Variants in OXR1 observed in about 807,000 individuals in gnomAD.
The protein encoded by OXR1 is oxidation resistance protein 1.
Under a neutral mutation model 104.6 loss-of-function variants are expected in OXR1, and 41 were observed. That is an observed-to-expected ratio of 0.39 (90% CI 0.31 to 0.51). OXR1 has a LOEUF of 0.51. OXR1 is among the 20% of genes least tolerant of loss of function. The probability of loss-of-function intolerance (pLI) is 0.77; values close to 1 mark genes in which losing one functional copy is unlikely to be tolerated. For missense variants in OXR1, 955 were observed against 1,031.9 expected (o/e 0.93, Z 1.02); for synonymous variants, 348 against 348.4 (o/e 1.00, Z 0.01).
intron 3 of OXR1, among the ~76,000 whole-genome samples, chr8:106,663,691 A>C (rs1334817852): frequency 6.6e-6 from 1 of 152,196 alleles, no homozygotes; most frequent in African/African-American, 2.4e-5. Flanking sequence ...GCCTCCTGTT[A>C]GATCAGTGGG....
chr8:106,374,069 A>G (rs974148644), intron 2 of OXR1, among the ~76,000 whole-genome samples: 1 of 152,196 alleles, frequency 6.6e-6, no homozygotes, highest in Non-Finnish European at 1.5e-5. Context: ...GATTCAGTGT[A>G]TTGAAACAGC....
chr8:106,530,519 T>C (rs1225507851), intron 3 of OXR1, among the ~76,000 whole-genome samples: 1 of 152,162 alleles, frequency 6.6e-6, no homozygotes, highest in African/African-American at 2.4e-5. Flanking sequence ...ATTTTGACCA[T>C]GTTAACAGTT....
chr8:106,399,910 G>A (rs187176019), intron 2 of OXR1, among the ~76,000 whole-genome samples: 2 of 152,192 alleles, frequency 1.3e-5, no homozygotes, highest in African/African-American at 4.8e-5. Flanking sequence ...AAATCTCAGT[G>A]CATTTTTCCT....
At chr8:106,408,442 CT>C (rs1309335634) in intron 2 of OXR1, among the ~76,000 whole-genome samples, 1 of 152,086 alleles carries the variant, frequency 6.6e-6, no homozygotes, top group Non-Finnish European at 1.5e-5. Context: ...CTTAAGTTCA[CT>C]TACTTTGTAA....
chr8:106,618,501 C>A (rs1399400885), intron 3 of OXR1, among the ~76,000 whole-genome samples: 1 of 152,166 alleles, frequency 6.6e-6, no homozygotes, highest in Non-Finnish European at 1.5e-5. Flanking sequence ...CATAAGTACT[C>A]CCAGAAATAG....
At chr8:106,338,378 C>T (rs1815049398) in intron 1 of OXR1, among the ~76,000 whole-genome samples, 1 of 151,902 alleles carries the variant, frequency 6.6e-6, no homozygotes, top group African/African-American at 2.4e-5. Context: ...AGGTGATCAA[C>T]ATGGTGAAAC....
At chr8:106,677,377 A>T (rs1827708870) in intron 3 of OXR1, among the ~76,000 whole-genome samples, 1 of 152,136 alleles carries the variant, frequency 6.6e-6, no homozygotes, top group East Asian at 1.9e-4. Context: ...AATATAAACT[A>T]TTCAGTGTAG....
chr8:106,353,813 G>A (rs76092972), intron 1 of OXR1, among the ~76,000 whole-genome samples: 3,499 of 152,158 alleles, frequency 0.023, 69 homozygotes, highest in East Asian at 0.069. Flanking sequence ...TAGTCACCGT[G>A]TTGTGTTGTA....
At chr8:106,485,037 A>G (rs1224285864) in intron 2 of OXR1, among the ~76,000 whole-genome samples, 1 of 117,660 alleles carries the variant, frequency 8.5e-6, no homozygotes, top group East Asian at 2.1e-4. Flanking sequence ...TAGGGAGGAA[A>G]CTTAAATTCA....
intron 1 of OXR1, among the ~76,000 whole-genome samples, chr8:106,316,618 T>G (rs1164380270): frequency 2.0e-5 from 3 of 152,168 alleles, no homozygotes; most frequent in Non-Finnish European, 2.9e-5. Context: ...TTGAACTTTT[T>G]TCTTTAAAAC....
chr8:106,692,733 T>C lies in OXR1; in HGVS notation c.531T>C (p.Pro177=). The change falls in exon 7 of 17, where the codon CCT becomes CCC. Residue 177 remains proline (P), a synonymous_variant. Coordinates refer to ENST00000517566, the MANE Select transcript of OXR1 (RefSeq NM_001198533.2). The stretch of plus-strand genomic sequence containing the variant: ...CCTTTAAAAAAAAAAAAAAGAATCC[T>C]GATGTCCATCCAACAGAAGCAACTC... ...SEAEFDKTTN[P]DVHPTEATPS... 1 of 1,454,956 alleles carries C rather than the reference T, an allele frequency of 6.9e-7. No homozygotes were observed. The highest frequency in any genetic ancestry group is 9.1e-7 in the Non-Finnish European group (1 of 1,097,446). The allele number at this position is 1,454,956 out of a possible 1,614,324, so 90.1% of individuals were successfully genotyped here.
intron 6 of OXR1, among the ~76,000 whole-genome samples, chr8:106,692,341 A>G (rs1180601702): frequency 6.6e-6 from 1 of 152,022 alleles, no homozygotes; most frequent in Non-Finnish European, 1.5e-5. Context: ...ATTATATTAT[A>G]TGGTCTTATC....
At chr8:106,694,927 T>TTA (rs74820226) in intron 7 of OXR1, among the ~76,000 whole-genome samples, 2,972 of 136,598 alleles carry the variant, frequency 0.022, 42 homozygotes, top group East Asian at 0.037. Flanking sequence ...TTATATATAT[T>TTA]TATATATATA....
At chr8:106,622,257 A>G (rs1821764924) in intron 3 of OXR1, among the ~76,000 whole-genome samples, 1 of 151,942 alleles carries the variant, frequency 6.6e-6, no homozygotes, top group African/African-American at 2.4e-5. Flanking sequence ...AAACACCATC[A>G]TCTTTTGACT....
chr8:106,450,617 C>A (rs146467533), intron 2 of OXR1, among the ~76,000 whole-genome samples: 2 of 152,256 alleles, frequency 1.3e-5, no homozygotes, highest in African/African-American at 4.8e-5. Flanking sequence ...CAACAAACTG[C>A]CAGTCCCAAA....
At chr8:106,296,365 A>G (rs1415214794) in intron 1 of OXR1, among the ~76,000 whole-genome samples, 3 of 152,328 alleles carry the variant, frequency 2.0e-5, no homozygotes, top group Middle Eastern at 6.8e-3. Flanking sequence ...TGATGATAGT[A>G]CTAATAATGA....
intron 3 of OXR1, chr8:106,522,675 G>C (rs1813348329): frequency 6.6e-6 from 1 of 152,206 alleles, no homozygotes; most frequent in South Asian, 2.1e-4. Context: ...CACTAACTGT[G>C]TAATCTGGCA....
chr8:106,674,296 C>CTT (rs766768695), intron 3 of OXR1, among the ~76,000 whole-genome samples: 10 of 152,222 alleles, frequency 6.6e-5, no homozygotes, highest in Non-Finnish European at 1.5e-4. Flanking sequence ...TATTTTGAAA[C>CTT]TTTAAGATTT....
In OXR1 at chr8:106,561,246, C is replaced by T. The variant is rs187143722; in HGVS notation, c.220+42107C>T. On this transcript the variant is annotated intron_variant, in intron 3 of 16. Coordinates refer to ENST00000517566, the MANE Select transcript of OXR1 (RefSeq NM_001198533.2). ...ACTGGCTTGAAATTCTTGCTGCCAG[C>T]AAAACAGTCTGAAGTCAACCTGGGA... Among the ~76,000 whole-genome samples the T allele has an allele frequency of 2.1e-4, 32 of 152,246 alleles. No individual in the cohort carries two copies. The East Asian group carries it at 6.2e-3, about 29-fold the overall frequency.
Sources: gnomAD v4.1 joint callset for allele counts (sites outside exome capture counted in the v4.1 genomes callset) on GRCh38, gnomAD v4.1.1 for gene constraint, MANE v1.5 for transcripts, NCBI Gene and HGNC (gene_info 2026-07-23, HGNC 2026-07-21) for gene names.